The following TMEM108 variants were observed in gnomAD, a reference collection of about 807,000 sequenced individuals.
TMEM108 encodes the protein cancer/testis antigen 124.
A neutral mutation model predicts 35.1 loss-of-function variants in TMEM108; 12 were observed. That is an observed-to-expected ratio of 0.34 (90% CI 0.22 to 0.55). TMEM108 has a LOEUF of 0.55. Among genes scored for constraint, TMEM108 ranks in the 20% least tolerant of loss-of-function variants. TMEM108 has a pLI of 0.89. For missense variants in TMEM108, 680 were observed against 753.3 expected (o/e 0.90, Z 1.14); for synonymous variants, 287 against 308.6 (o/e 0.93, Z 0.73).
intron 2 of TMEM108, among the ~76,000 whole-genome samples, chr3:133,146,121 T>C (rs556048614): frequency 2.0e-5 from 3 of 152,328 alleles, no homozygotes; most frequent in Non-Finnish European, 2.9e-5. Context: ...ATAGCTCTTA[T>C]TGTTTTGAGA....
At chr3:133,352,003 C>G (rs1277782832) in intron 3 of TMEM108, among the ~76,000 whole-genome samples, 2 of 152,138 alleles carry the variant, frequency 1.3e-5, no homozygotes. Flanking sequence ...ACACATAACC[C>G]TAGAATACAA....
At chr3:133,321,245 A>G (rs1005195985) in intron 3 of TMEM108, among the ~76,000 whole-genome samples, 1 of 152,202 alleles carries the variant, frequency 6.6e-6, no homozygotes, top group Non-Finnish European at 1.5e-5. Flanking sequence ...AAATCCACCA[A>G]CCAAGTATGT....
At chr3:133,080,208 T>G (rs1481538132) in intron 2 of TMEM108, among the ~76,000 whole-genome samples, 2 of 152,158 alleles carry the variant, frequency 1.3e-5, no homozygotes, top group Non-Finnish European at 2.9e-5. Flanking sequence ...ACAGGGATAA[T>G]GGCAGGATGT....
At chr3:133,083,035 C>T (rs1943833349) in intron 2 of TMEM108, among the ~76,000 whole-genome samples, 1 of 152,062 alleles carries the variant, frequency 6.6e-6, no homozygotes, top group Admixed American at 6.6e-5. Context: ...TGCAATTTTA[C>T]AGTACAAGAA....
In TMEM108 at chr3:133,177,822, G is replaced by A. The variant is rs575852689; in HGVS notation, c.-46-51444G>A. On this transcript the variant is annotated intron_variant, in intron 2 of 5. Transcript: ENST00000321871. ...TGGAAGTTCTGGCCAGGGCAATTAG[G>A]CAGGAGAAGGAAATAAAGGGTATTC... Among the ~76,000 whole-genome samples the A allele has an allele frequency of 5.2e-3, 786 of 152,192 alleles. 6 individuals carry two copies. The highest frequency in any genetic ancestry group is 9.7e-3 in the Admixed American group (149 of 15,300).
chr3:133,376,963 G>A (rs554883310), intron 3 of TMEM108, among the ~76,000 whole-genome samples: 1 of 152,230 alleles, frequency 6.6e-6, no homozygotes, highest in African/African-American at 2.4e-5. Flanking sequence ...CAATAGGGTT[G>A]GAGTCCCCCG....
rs917300544 is a variant in TMEM108 at position 133,174,785 on chromosome 3, G to A, written c.-46-54481G>A. Among the ~76,000 whole-genome samples the A allele has an allele frequency of 3.9e-5, 6 of 152,192 alleles. No individual in the cohort carries two copies. In the South Asian group the frequency reaches 1.2e-3, roughly 32 times the overall value. ...ATCAGAGCGCTTCTCTCCTCCAAAG[G>A]AACGCAGCTCCTCACCAACAATGGA... On this transcript the variant is annotated intron_variant, in intron 2 of 5. Transcript: ENST00000321871.
At chr3:133,109,588 T>C (rs888766049) in intron 2 of TMEM108, among the ~76,000 whole-genome samples, 1 of 152,252 alleles carries the variant, frequency 6.6e-6, no homozygotes, top group Admixed American at 6.5e-5. Flanking sequence ...GGAAACTTTA[T>C]GCACTGTTAT....
chr3:133,359,533 G>A (rs1309114514), intron 3 of TMEM108, among the ~76,000 whole-genome samples: 9 of 152,166 alleles, frequency 5.9e-5, no homozygotes, highest in Non-Finnish European at 2.9e-5. Context: ...ATGTAGCTAA[G>A]TGTTTGCTTG....
rs564267500 is a variant in TMEM108 at position 133,274,667 on chromosome 3, G to A, written c.40+45316G>A. 3.9e-5 allele frequency among the ~76,000 whole-genome samples: 6 copies of A among 152,292 alleles called. No homozygotes were observed. In the South Asian group the frequency reaches 1.2e-3, roughly 32 times the overall value. Reference sequence around the variant, plus strand: ...AGTCCTTTCCTACTGCCTCCTGTAGGAGAGCTGTAGTTACTGCTGAACAAA... The same window carrying A: ...AGTCCTTTCCTACTGCCTCCTGTAGAAGAGCTGTAGTTACTGCTGAACAAA... On this transcript the variant is annotated intron_variant, in intron 3 of 5. Coordinates refer to ENST00000321871, the MANE Select transcript of TMEM108 (RefSeq NM_023943.4).
intron 2 of TMEM108, among the ~76,000 whole-genome samples, chr3:133,065,299 C>T (rs1943582793): frequency 1.3e-5 from 2 of 152,016 alleles, no homozygotes; most frequent in African/African-American, 4.8e-5. Flanking sequence ...CACACACACA[C>T]ACACGCACAT....
chr3:133,376,703 A>G (rs1023512943), intron 3 of TMEM108, among the ~76,000 whole-genome samples: 4 of 152,126 alleles, frequency 2.6e-5, no homozygotes, highest in Non-Finnish European at 5.9e-5. Context: ...GCCCACCTGG[A>G]CCAGCTCATA....
intron 3 of TMEM108, among the ~76,000 whole-genome samples, chr3:133,312,971 A>T (rs947417819): frequency 6.6e-6 from 1 of 152,152 alleles, no homozygotes; most frequent in African/African-American, 2.4e-5. Context: ...AATTGTTACA[A>T]TGCTTTCATC....
At chr3:133,361,118 A>T (rs2072335439) in intron 3 of TMEM108, among the ~76,000 whole-genome samples, 1 of 152,200 alleles carries the variant, frequency 6.6e-6, no homozygotes, top group Non-Finnish European at 1.5e-5. Context: ...TTCCTATGAC[A>T]CATTTTTAAA....
chr3:133,257,321 G>A (rs1045764507), intron 3 of TMEM108: 3 of 152,214 alleles, frequency 2.0e-5, no homozygotes, highest in Non-Finnish European at 4.4e-5. Context: ...ATTTATCAAA[G>A]TAATTTGTCT....
At position 133,275,454 on chromosome 3, in the gene TMEM108, C is replaced by T. The variant is rs538317872; in HGVS notation, c.40+46103C>T. 9.6e-4 allele frequency among the ~76,000 whole-genome samples: 146 copies of T among 152,262 alleles called. No individual in the cohort carries two copies. The Middle Eastern group carries it at 0.014, about 14-fold the overall frequency. On this transcript the variant is annotated intron_variant, in intron 3 of 5. Transcript: ENST00000321871. Reference sequence around the variant, plus strand: ...AAATTCAATGTGTATTTTACACTTACATTGCATTTAAGTTCAGACTAGACA... The same window carrying T: ...AAATTCAATGTGTATTTTACACTTATATTGCATTTAAGTTCAGACTAGACA...
At chr3:133,074,723 A>G (rs1161957056) in intron 2 of TMEM108, among the ~76,000 whole-genome samples, 1 of 152,172 alleles carries the variant, frequency 6.6e-6, no homozygotes, top group Non-Finnish European at 1.5e-5. Flanking sequence ...TCCTGACCTC[A>G]GGTGATCCAC....
At chr3:133,390,470 G>A in intron 5 of TMEM108, 136 bp downstream of exon 5, 1 of 996,664 alleles carries the variant, frequency 1.0e-6, no homozygotes, top group East Asian at 2.4e-5. Context: ...ACACCCAAGA[G>A]GTTGTAGGCC....
At chr3:133,301,956 C>A (rs906140357) in intron 3 of TMEM108, among the ~76,000 whole-genome samples, 2 of 152,180 alleles carry the variant, frequency 1.3e-5, no homozygotes, top group Non-Finnish European at 2.9e-5. Context: ...CAGCTCCCTG[C>A]CCTTCCTCTG....
Sources: allele counts gnomAD v4.1 joint callset (sites outside exome capture counted in the v4.1 genomes callset), GRCh38; gene constraint gnomAD v4.1.1; transcripts MANE v1.5; gene names NCBI Gene and HGNC (gene_info 2026-07-23, HGNC 2026-07-21).